Variants in SDCCAG8 observed in about 807,000 individuals in gnomAD.
SDCCAG8 encodes the protein serologically defined colon cancer antigen 8.
In SDCCAG8, 74 loss-of-function variants were observed where a neutral mutation model predicts 101.8. The ratio of observed to expected loss-of-function variants is 0.73; its 90% CI spans 0.60 to 0.88. SDCCAG8 has a LOEUF of 0.88. SDCCAG8 is among the 40% of genes least tolerant of loss of function. The pLI, the probability that SDCCAG8 is intolerant of heterozygous loss-of-function variation, is 0.00. For synonymous variants in SDCCAG8, 281 were observed against 292.9 expected (o/e 0.96, Z 0.41); for missense variants, 787 against 822.6 (o/e 0.96, Z 0.53).
At chr1:243,264,756 G>A (rs1051499967) in intron 1 of SDCCAG8, among the ~76,000 whole-genome samples, 6 of 152,180 alleles carry the variant, frequency 3.9e-5, no homozygotes, top group Non-Finnish European at 5.9e-5. Context: ...TTGCACTTAC[G>A]TTCATGTGAT....
At chr1:243,449,086 C>T (rs537471598) in intron 16 of SDCCAG8, among the ~76,000 whole-genome samples, 19 of 152,292 alleles carry the variant, frequency 1.2e-4, no homozygotes, top group African/African-American at 4.3e-4. Context: ...TGATGCACAT[C>T]CAGTGGACAC....
At chr1:243,405,242 G>A (rs1267282837) in intron 13 of SDCCAG8, among the ~76,000 whole-genome samples, 1 of 152,110 alleles carries the variant, frequency 6.6e-6, no homozygotes, top group African/African-American at 2.4e-5. Flanking sequence ...TAAGAAGCAA[G>A]TAACTATCAC....
chr1:243,276,021 G>A (rs865916825), intron 4 of SDCCAG8, among the ~76,000 whole-genome samples: 4 of 151,656 alleles, frequency 2.6e-5, no homozygotes, highest in Non-Finnish European at 2.9e-5. Flanking sequence ...GCGCCACCAC[G>A]CCCAGCTAAT....
chr1:243,415,718 A>G lies in SDCCAG8; in HGVS notation c.1633A>G (p.Ile545Val). The G allele has an allele frequency of 3.1e-6, 5 of 1,613,826 alleles. No individual in the cohort carries two copies. The highest frequency in any genetic ancestry group is 4.2e-6 in the Non-Finnish European group (5 of 1,179,782). The change falls in exon 14 of 18, where the codon ATT becomes GTT. Residue 545 changes from isoleucine (I) to valine (V), a missense_variant. Coordinates refer to ENST00000366541, the MANE Select transcript of SDCCAG8 (RefSeq NM_006642.5). The stretch of plus-strand genomic sequence containing the variant: ...GTTTTGCAGACAGGAAAAAGATAGC[A>G]TTCAGCAGAGCTTTAGCAAGGAAGC... ...LHLTRQEKDS[I>V]QQSFSKEAKA...
chr1:243,272,321 G>T (rs1019036601), intron 3 of SDCCAG8, among the ~76,000 whole-genome samples: 4 of 152,312 alleles, frequency 2.6e-5, no homozygotes, highest in East Asian at 3.9e-4. Flanking sequence ...AAATATCAGA[G>T]TATCACTCCC....
chr1:243,485,578 C>T (rs904807328), intron 16 of SDCCAG8, among the ~76,000 whole-genome samples: 1 of 152,170 alleles, frequency 6.6e-6, no homozygotes, highest in Non-Finnish European at 1.5e-5. Context: ...CTGGTTTGTG[C>T]AGGGTTGGAG....
At chr1:243,334,890 G>A (rs1443075298) in intron 10 of SDCCAG8, among the ~76,000 whole-genome samples, 2 of 152,150 alleles carry the variant, frequency 1.3e-5, no homozygotes, top group Admixed American at 1.3e-4. Context: ...GCGTGGCCCA[G>A]AACTTTTCTT....
chr1:243,323,508 C>T (rs1190654216), intron 9 of SDCCAG8, among the ~76,000 whole-genome samples: 1 of 152,048 alleles, frequency 6.6e-6, no homozygotes, highest in Non-Finnish European at 1.5e-5. Flanking sequence ...ATCCTTTATC[C>T]TTTTCTCTCC....
intron 12 of SDCCAG8, among the ~76,000 whole-genome samples, chr1:243,355,767 G>A (rs1573524556): frequency 6.6e-6 from 1 of 152,036 alleles, no homozygotes; most frequent in African/African-American, 2.4e-5. Context: ...CACCACACCC[G>A]GCTAATTCTT....
chr1:243,320,841 C>G (rs559392404), intron 9 of SDCCAG8, among the ~76,000 whole-genome samples: 159 of 152,162 alleles, frequency 1.0e-3, no homozygotes, highest in Non-Finnish European at 2.0e-3. Context: ...GCCTCTGAGT[C>G]TTTGTATGTG....
intron 9 of SDCCAG8, among the ~76,000 whole-genome samples, chr1:243,321,085 C>T (rs1411039395): frequency 6.6e-6 from 1 of 152,130 alleles, no homozygotes; most frequent in Non-Finnish European, 1.5e-5. Context: ...AAGCCTCTAC[C>T]TACTCAATGC....
At chr1:243,381,422 C>A (rs1252005966) in intron 13 of SDCCAG8, among the ~76,000 whole-genome samples, 6 of 151,988 alleles carry the variant, frequency 3.9e-5, no homozygotes, top group African/African-American at 1.4e-4. Context: ...GACCCCATCT[C>A]TACAAAAAAA....
At chr1:243,263,592 T>A (rs1032007251) in intron 1 of SDCCAG8, among the ~76,000 whole-genome samples, 2 of 152,224 alleles carry the variant, frequency 1.3e-5, no homozygotes, top group African/African-American at 4.8e-5. Context: ...TCCCTTAGAA[T>A]GCATATAGCC....
chr1:243,450,524 G>A (rs1251346231), intron 16 of SDCCAG8, among the ~76,000 whole-genome samples: 1 of 152,228 alleles, frequency 6.6e-6, no homozygotes, highest in South Asian at 2.1e-4. Context: ...CTGACTTCCA[G>A]GGATTCTTGT....
intron 16 of SDCCAG8, among the ~76,000 whole-genome samples, chr1:243,481,585 C>G (rs1333781473): frequency 2.0e-5 from 3 of 152,054 alleles, no homozygotes; most frequent in Non-Finnish European, 4.4e-5. Flanking sequence ...GTATTTGCAC[C>G]TTTGAAATCC....
chr1:243,372,438 T>G (rs781547582), intron 12 of SDCCAG8, among the ~76,000 whole-genome samples: 5 of 152,098 alleles, frequency 3.3e-5, no homozygotes, highest in Non-Finnish European at 7.4e-5. Context: ...TTTATGCTTC[T>G]TTTTCTTTCC....
At chr1:243,271,450 A>G (rs547860499) in intron 3 of SDCCAG8, among the ~76,000 whole-genome samples, 115 of 151,368 alleles carry the variant, frequency 7.6e-4, no homozygotes, top group African/African-American at 2.8e-3. Flanking sequence ...TCTATTATTG[A>G]TCATTTTTAG....
intron 16 of SDCCAG8, among the ~76,000 whole-genome samples, chr1:243,428,988 T>C (rs1424164662): frequency 1.3e-5 from 2 of 152,238 alleles, no homozygotes; most frequent in African/African-American, 2.4e-5. Context: ...TGTGTATTTT[T>C]CATCATGTTT....
At chr1:243,465,739 G>T (rs528414482) in intron 16 of SDCCAG8, among the ~76,000 whole-genome samples, 2 of 152,252 alleles carry the variant, frequency 1.3e-5, no homozygotes, top group South Asian at 4.2e-4. Flanking sequence ...TTTTGGAAAT[G>T]ATGTTTTCTT....
Sources: allele counts gnomAD v4.1 joint callset (sites outside exome capture counted in the v4.1 genomes callset), GRCh38; gene constraint gnomAD v4.1.1; transcripts MANE v1.5; gene names NCBI Gene and HGNC (gene_info 2026-07-23, HGNC 2026-07-21).